The following PTPRT variants were observed in gnomAD, a reference collection of about 807,000 sequenced individuals.
The protein encoded by PTPRT is receptor-type tyrosine-protein phosphatase T.
In PTPRT, 56 loss-of-function variants were observed where a neutral mutation model predicts 176.8. That is an observed-to-expected ratio of 0.32 (90% CI 0.26 to 0.40). PTPRT has a LOEUF of 0.40. Ranked by LOEUF, PTPRT falls within the 10% of genes least tolerant of loss-of-function variation. The probability of loss-of-function intolerance (pLI) is 1.00; values close to 1 mark genes in which losing one functional copy is unlikely to be tolerated. For missense variants in PTPRT, 1,540 were observed against 1,908.2 expected, an observed-to-expected ratio of 0.81 and a Z score of 3.60; for synonymous variants, 783 against 739.0, an observed-to-expected ratio of 1.06 and a Z score of -0.96.
chr20:42,034,058 T>C, the PTPRT span, among the ~76,000 whole-genome samples: 1 of 152,170 alleles, frequency 6.6e-6, no homozygotes, highest in Non-Finnish European at 1.5e-5. Flanking sequence ...ATTTAGCAGC[T>C]TAAAATAACA....
the PTPRT span, among the ~76,000 whole-genome samples, chr20:42,035,676 A>C: frequency 1.1e-3 from 161 of 152,272 alleles, no homozygotes; most frequent in African/African-American, 3.7e-3. Flanking sequence ...CTGGTCAGTA[A>C]GTTCTTCCAG....
At chr20:42,948,706 C>T in intron 1 of PTPRT, among the ~76,000 whole-genome samples, 1 of 152,128 alleles carries the variant, frequency 6.6e-6, no homozygotes. Context: ...TTCAGTGATG[C>T]TTGAAGGACC....
chr20:42,448,920 T>C (rs2070778593), intron 8 of PTPRT, among the ~76,000 whole-genome samples: 1 of 152,124 alleles, frequency 6.6e-6, no homozygotes. Context: ...TGAATTTGTA[T>C]TGGGCCACAT....
chr20:42,343,294 G>T (rs1436480938), intron 11 of PTPRT, among the ~76,000 whole-genome samples: 2 of 152,028 alleles, frequency 1.3e-5, no homozygotes, highest in African/African-American at 2.4e-5. Context: ...CCCTCCCTCG[G>T]CATCTATTGG....
In PTPRT at chr20:42,078,167, A is replaced by G; in HGVS notation, c.*2712T>C. The G allele has an allele frequency of 5.2e-6, 1 of 191,662 alleles. No individual in the cohort carries two copies. The highest frequency in any genetic ancestry group is 1.1e-5 in the Non-Finnish European group (1 of 91,456). 11.9% of individuals were successfully genotyped at this position (191,662 alleles called of 1,614,324 possible). ...CCTGGGGAGAGGCTCATCAAAGGAAAAGAGCAAGTTCATCGTGGGGTTCCT... is the reference window on the plus strand; with the variant it reads ...CCTGGGGAGAGGCTCATCAAAGGAAGAGAGCAAGTTCATCGTGGGGTTCCT... On this transcript the variant is annotated 3_prime_UTR_variant, in exon 31 of 31. Transcript: ENST00000373187.
At chr20:42,613,922 C>CA (rs955447476) in intron 7 of PTPRT, among the ~76,000 whole-genome samples, 1 of 143,166 alleles carries the variant, frequency 7.0e-6, no homozygotes, top group Non-Finnish European at 1.5e-5. Context: ...AGGAAAAGGA[C>CA]AAAAAAATAT....
intron 1 of PTPRT, among the ~76,000 whole-genome samples, chr20:42,889,484 C>T (rs2079156300): frequency 6.6e-6 from 1 of 152,204 alleles, no homozygotes; most frequent in Non-Finnish European, 1.5e-5. Context: ...TCCACTCTGC[C>T]AGGATTTGTC....
intron 17 of PTPRT, among the ~76,000 whole-genome samples, chr20:42,154,544 C>G (rs1162199707): frequency 6.6e-6 from 1 of 152,192 alleles, no homozygotes; most frequent in Non-Finnish European, 1.5e-5. Flanking sequence ...CACAGCTGTT[C>G]CTTGTTGCTT....
intron 7 of PTPRT, among the ~76,000 whole-genome samples, chr20:42,582,635 C>T (rs1032653332): frequency 2.0e-5 from 3 of 152,160 alleles, no homozygotes. Context: ...AGAGACTCCC[C>T]AAACTCTGGC....
intron 1 of PTPRT, among the ~76,000 whole-genome samples, chr20:43,171,801 A>G (rs1375961301): frequency 6.6e-6 from 1 of 152,188 alleles, no homozygotes; most frequent in Non-Finnish European, 1.5e-5. Context: ...CAGGGGCCAC[A>G]CTTTGAAAAC....
At chr20:42,787,799 C>T (rs2077313579) in intron 3 of PTPRT, among the ~76,000 whole-genome samples, 2 of 152,224 alleles carry the variant, frequency 1.3e-5, no homozygotes. Context: ...TGGCCTGATA[C>T]TACTTACAGT....
intron 6 of PTPRT, among the ~76,000 whole-genome samples, chr20:42,683,877 A>G (rs2075647108): frequency 6.6e-6 from 1 of 152,198 alleles, no homozygotes; most frequent in East Asian, 1.9e-4. Flanking sequence ...TTCAAGTCAT[A>G]AAAGTCCCTA....
chr20:42,762,578 C>T (rs1462038602), intron 5 of PTPRT, among the ~76,000 whole-genome samples: 1 of 152,216 alleles, frequency 6.6e-6, no homozygotes, highest in East Asian at 1.9e-4. Flanking sequence ...CCAACCCATA[C>T]TCTATTGGCA....
chr20:43,098,752 T>C (rs1405195108), intron 1 of PTPRT, among the ~76,000 whole-genome samples: 4 of 152,128 alleles, frequency 2.6e-5, no homozygotes, highest in African/African-American at 7.2e-5. Context: ...CTAAGCACAG[T>C]GACTGTCTAC....
At chr20:42,334,154 T>C (rs948836994) in intron 11 of PTPRT, among the ~76,000 whole-genome samples, 2 of 152,314 alleles carry the variant, frequency 1.3e-5, no homozygotes, top group South Asian at 2.1e-4. Flanking sequence ...AAGACCCCCA[T>C]GGTTCAGAGT....
intron 1 of PTPRT, among the ~76,000 whole-genome samples, chr20:42,954,340 G>C (rs1424960686): frequency 6.6e-6 from 1 of 152,170 alleles, no homozygotes; most frequent in African/African-American, 2.4e-5. Context: ...CTTGTTTGGT[G>C]AGCAGGACTG....
At chr20:42,233,091 T>C in intron 15 of PTPRT, among the ~76,000 whole-genome samples, 1 of 152,234 alleles carries the variant, frequency 6.6e-6, no homozygotes, top group Non-Finnish European at 1.5e-5. Flanking sequence ...TCTTTAATCA[T>C]GGTCAGTTCC....
chr20:42,122,877 C>T (rs1217914338), intron 19 of PTPRT, among the ~76,000 whole-genome samples: 1 of 152,208 alleles, frequency 6.6e-6, no homozygotes, highest in African/African-American at 2.4e-5. Context: ...CCTCTTTGTC[C>T]ACTCCTACAA....
intron 13 of PTPRT, among the ~76,000 whole-genome samples, chr20:42,258,134 T>C (rs1049130190): frequency 2.6e-5 from 4 of 152,216 alleles, no homozygotes; most frequent in African/African-American, 9.6e-5. Flanking sequence ...AATCTTCCAT[T>C]GACCAGCCAG....
Sources: gnomAD v4.1 joint callset for allele counts (sites outside exome capture counted in the v4.1 genomes callset) on GRCh38, gnomAD v4.1.1 for gene constraint, MANE v1.5 for transcripts, NCBI Gene and HGNC (gene_info 2026-07-23, HGNC 2026-07-21) for gene names.